RBL1: variants seen among roughly 807,000 people sequenced by gnomAD.
The protein encoded by RBL1 is retinoblastoma-like protein 1.
A neutral mutation model predicts 123.0 loss-of-function variants in RBL1; 82 were observed. That is an observed-to-expected ratio of 0.67 (90% CI 0.56 to 0.80). The LOEUF is 0.80. RBL1 is among the 30% of genes least tolerant of loss of function. The probability of loss-of-function intolerance (pLI) is 0.00; values close to 1 mark genes in which losing one functional copy is unlikely to be tolerated. For missense variants in RBL1, 1,171 were observed against 1,299.6 expected, an observed-to-expected ratio of 0.90 and a Z score of 1.52; for synonymous variants, 405 against 441.3, an observed-to-expected ratio of 0.92 and a Z score of 1.03.
chr20:37,042,700 C>T (rs192561348), intron 13 of RBL1, among the ~76,000 whole-genome samples: 27 of 151,660 alleles, frequency 1.8e-4, no homozygotes, highest in African/African-American at 6.3e-4. Flanking sequence ...CCCAGGAATT[C>T]AAGACTAGCC....
chr20:37,084,733 A>T (rs73289848), intron 2 of RBL1, among the ~76,000 whole-genome samples: 22 of 152,278 alleles, frequency 1.4e-4, no homozygotes, highest in African/African-American at 5.3e-4. Flanking sequence ...AAAAGAAAAA[A>T]TACCAAAAAA....
chr20:37,003,922 T>A (rs2064028060), intron 20 of RBL1, 56 bp from the exon 21 acceptor site: 2 of 1,461,800 alleles, frequency 1.4e-6, no homozygotes, highest in East Asian at 4.7e-5. Context: ...TGTTTTTGAA[T>A]CCCATATTTT....
chr20:37,031,322 T>A (rs913735521), intron 16 of RBL1, among the ~76,000 whole-genome samples: 3 of 151,914 alleles, frequency 2.0e-5, no homozygotes, highest in Non-Finnish European at 2.9e-5. Flanking sequence ...CTAGAATACA[T>A]AAAGAACTCC....
In RBL1 at chr20:37,061,347, A is replaced by G. The variant is rs559075833; in HGVS notation, c.1084-78T>C. The G allele has an allele frequency of 7.4e-6, 11 of 1,483,090 alleles. No homozygotes were observed. In the East Asian group the frequency reaches 2.3e-4, roughly 31 times the overall value. 91.9% of individuals were successfully genotyped at this position (1,483,090 alleles called of 1,614,324 possible). ...ATGTGTTTAATTCAGTGCATATACC[A>G]TCTTCTCTATTCATATTTGTAATAT... On this transcript the variant is annotated intron_variant, in intron 8 of 21. Transcript: ENST00000373664.
Position 37,061,323 on chromosome 20 carries a change from T to C in RBL1, c.1084-54A>G, listed in dbSNP as rs1009046362. ...TTAAAAGTTACCATCTTCCTTATTA[T>C]GTGTTTAATTCAGTGCATATACCAT... is the stretch of plus-strand genomic sequence containing the variant. On this transcript the variant is annotated intron_variant, in intron 8 of 21. Coordinates refer to ENST00000373664, the MANE Select transcript of RBL1 (RefSeq NM_002895.5). 2.5e-6 allele frequency: 4 copies of C among 1,584,988 alleles called. No individual in the cohort carries two copies. The African/African-American group carries it at 4.0e-5, about 16-fold the overall frequency.
chr20:37,056,351 C>CTTCTTTTTTT, intron 9 of RBL1, 93 bp from the exon 10 acceptor site: 1 of 971,338 alleles, frequency 1.0e-6, no homozygotes, highest in Non-Finnish European at 1.3e-6. Context: ...CCTTCTTCTT[C>CTTCTTTTTTT]TTTTTTTTTT....
chr20:37,016,128 A>C (rs903661580), intron 19 of RBL1, among the ~76,000 whole-genome samples: 1 of 150,824 alleles, frequency 6.6e-6, no homozygotes, highest in Non-Finnish European at 1.5e-5. Flanking sequence ...CCTGGGTTCA[A>C]GCAATTCTTG....
chr20:37,079,897 A>T (rs2065422080), intron 2 of RBL1, among the ~76,000 whole-genome samples: 1 of 152,152 alleles, frequency 6.6e-6, no homozygotes, highest in Admixed American at 6.5e-5. Flanking sequence ...AATTTTAGTG[A>T]TTTCAAGTCA....
Position 37,067,085 on chromosome 20 carries a change from G to A in RBL1, c.593C>T (p.Ser198Phe). ...FRMIGDDLVN[S>F]YHLLLCCLDL... ...CAAGCAGCATAGAAGTAAATGATAA[G>A]AGTTTACTAAGTCATCCCCAATCAT... The change falls in exon 5 of 22, where the codon TCT (serine) becomes TTT (phenylalanine). Residue 198 changes from serine to phenylalanine, a missense_variant. By Grantham distance (155) the Ser-to-Phe change is radical. Transcript: ENST00000373664. The A allele has an allele frequency of 6.3e-7, 1 of 1,598,404 alleles. No homozygotes were observed. Among genetic ancestry groups the A allele is most frequent in the Non-Finnish European group, 8.5e-7 (1 of 1,173,754 alleles).
chr20:37,044,442 A>G (rs1224463471), intron 12 of RBL1, among the ~76,000 whole-genome samples, 192 bp from the exon 13 acceptor site: 1 of 151,948 alleles, frequency 6.6e-6, no homozygotes, highest in Non-Finnish European at 1.5e-5. Context: ...GGTTCAAGTG[A>G]TTCTCCTGCC....
intron 2 of RBL1, among the ~76,000 whole-genome samples, chr20:37,086,341 C>T (rs987301400): frequency 6.6e-6 from 1 of 152,018 alleles, no homozygotes; most frequent in Non-Finnish European, 1.5e-5. Context: ...AGTCCCAGCA[C>T]TTAGGGAGGC....
intron 11 of RBL1, among the ~76,000 whole-genome samples, chr20:37,051,863 C>T (rs994248912): frequency 1.3e-5 from 2 of 151,176 alleles, no homozygotes; most frequent in Non-Finnish European, 2.9e-5. Flanking sequence ...GACCCAACTA[C>T]ACACTGACTA....
intron 19 of RBL1, among the ~76,000 whole-genome samples, chr20:37,009,215 G>T (rs767263801): frequency 5.9e-5 from 9 of 152,072 alleles, no homozygotes; most frequent in Non-Finnish European, 1.0e-4. Context: ...AGTAGAGATG[G>T]TGTTTCGCCA....
intron 11 of RBL1, among the ~76,000 whole-genome samples, chr20:37,049,050 A>G (rs901397745): frequency 1.3e-5 from 2 of 151,964 alleles, no homozygotes; most frequent in Non-Finnish European, 2.9e-5. Context: ...AAAAAACACA[A>G]AAATTAGCTG....
At chr20:37,006,048 AGCC>A (rs2064067006) in intron 20 of RBL1, among the ~76,000 whole-genome samples, 1 of 150,832 alleles carries the variant, frequency 6.6e-6, no homozygotes, top group East Asian at 1.9e-4. Context: ...GGTGTGTACC[AGCC>A]ACTACACGGC....
chr20:37,049,299 A>G, intron 11 of RBL1: 2 of 629,998 alleles, frequency 3.2e-6, no homozygotes, highest in Non-Finnish European at 5.7e-6. Context: ...CATCACCCTC[A>G]AGGTTGAACC....
chr20:37,044,946 A>C (rs958793754), intron 12 of RBL1, among the ~76,000 whole-genome samples: 12 of 152,126 alleles, frequency 7.9e-5, no homozygotes, highest in Non-Finnish European at 1.5e-4. Context: ...GAACTATTTA[A>C]AGTGACTTTG....
At chr20:37,067,782 A>AC (rs1568875729) in intron 3 of RBL1, among the ~76,000 whole-genome samples, 4 of 143,656 alleles carry the variant, frequency 2.8e-5, no homozygotes, top group African/African-American at 5.3e-5. Flanking sequence ...AAAAAAAAAA[A>AC]AAAAAAAAAC....
At position 37,032,726 on chromosome 20, in the gene RBL1, A is replaced by G; in HGVS notation, c.2321T>C (p.Val774Ala). ...TGGCCTGTTTATTCCAGTTGAATGT[A>G]CCTCTTGTGCTTTAGTCAGATTGGT... ...KQTNLTKAQE[V>A]HSTGINRPKR... The change falls in exon 16 of 22, where the codon GTA (valine) becomes GCA (alanine). Residue 774 changes from valine to alanine, a missense_variant. Physicochemically the swap from Val to Ala is moderately conservative, Grantham distance 64. Coordinates refer to ENST00000373664, the MANE Select transcript of RBL1 (RefSeq NM_002895.5). The G allele has an allele frequency of 6.2e-7, 1 of 1,614,092 alleles. No individual in the cohort carries two copies. The highest frequency in any genetic ancestry group is 8.5e-7 in the Non-Finnish European group (1 of 1,179,990).
Sources: gnomAD v4.1 joint callset for allele counts (sites outside exome capture counted in the v4.1 genomes callset) on GRCh38, gnomAD v4.1.1 for gene constraint, MANE v1.5 for transcripts, NCBI Gene and HGNC (gene_info 2026-07-23, HGNC 2026-07-21) for gene names.